The following ATG4C variants were observed in gnomAD, a reference collection of about 807,000 sequenced individuals.
The protein encoded by ATG4C is autophagy related 4C cysteine peptidase, also known as cysteine protease ATG4C.
ATG4C carries 56 observed loss-of-function variants against 57.6 expected under a neutral mutation model. The observed-to-expected ratio is 0.97, with a 90% CI of 0.78 to 1.21. ATG4C has a LOEUF of 1.21. Ranked by LOEUF, ATG4C falls within the 50% of genes most tolerant of loss-of-function variation. The probability of loss-of-function intolerance (pLI) is 0.00; values close to 1 mark genes in which losing one functional copy is unlikely to be tolerated. For synonymous variants in ATG4C, 157 were observed against 174.1 expected, an observed-to-expected ratio of 0.90 and a Z score of 0.78; for missense variants, 595 against 529.8, an observed-to-expected ratio of 1.12 and a Z score of -1.21.
intron 7 of ATG4C, among the ~76,000 whole-genome samples, chr1:62,830,122 A>G (rs1665793509): frequency 1.3e-5 from 2 of 152,126 alleles, no homozygotes; most frequent in Non-Finnish European, 2.9e-5. Flanking sequence ...GAAGTTTTTT[A>G]GCTGGTATAC....
intron 7 of ATG4C, 79 bp from the exon 8 acceptor site, chr1:62,833,959 T>G: frequency 8.2e-7 from 1 of 1,213,060 alleles, no homozygotes; most frequent in South Asian, 1.4e-5. Context: ...GAGCTACTAA[T>G]ATTAGTAATA....
At chr1:62,788,582 A>T (rs1664164733) in intron 1 of ATG4C, among the ~76,000 whole-genome samples, 2 of 152,214 alleles carry the variant, frequency 1.3e-5, no homozygotes, top group Non-Finnish European at 2.9e-5. Flanking sequence ...TGCCATTAGC[A>T]TATCCAAATA....
chr1:62,863,136 T>C (rs1177821958), intron 10 of ATG4C, among the ~76,000 whole-genome samples: 1 of 152,038 alleles, frequency 6.6e-6, no homozygotes, highest in African/African-American at 2.4e-5. Flanking sequence ...GTTTATATTA[T>C]ACTTGTGAAT....
At chr1:62,831,560 T>C (rs966140530) in intron 7 of ATG4C, among the ~76,000 whole-genome samples, 10 of 152,310 alleles carry the variant, frequency 6.6e-5, no homozygotes, top group African/African-American at 2.4e-4. Flanking sequence ...TATGTATGTA[T>C]GTATTTTTAA....
intron 3 of ATG4C, among the ~76,000 whole-genome samples, chr1:62,815,148 A>G (rs1352826649): frequency 2.0e-5 from 3 of 151,876 alleles, no homozygotes; most frequent in East Asian, 1.9e-4. Flanking sequence ...GTTTAAATGT[A>G]TCATGTCATT....
intron 10 of ATG4C, among the ~76,000 whole-genome samples, chr1:62,856,758 T>A (rs750300918): frequency 2.0e-5 from 3 of 151,878 alleles, no homozygotes; most frequent in Non-Finnish European, 4.4e-5. Context: ...ACTGATGGAG[T>A]TTGGTACAAT....
intron 3 of ATG4C, among the ~76,000 whole-genome samples, chr1:62,812,889 A>C (rs1209290471): frequency 6.6e-6 from 1 of 152,178 alleles, no homozygotes; most frequent in African/African-American, 2.4e-5. Context: ...GAAGAGAATA[A>C]AATACTTAGG....
At chr1:62,849,343 TC>T (rs1277103955) in intron 10 of ATG4C, among the ~76,000 whole-genome samples, 1 of 152,178 alleles carries the variant, frequency 6.6e-6, no homozygotes, top group Non-Finnish European at 1.5e-5. Flanking sequence ...GATATAGAAT[TC>T]CATGTTAACA....
Position 62,816,662 on chromosome 1 carries a change from T to C in ATG4C, c.248T>C (p.Phe83Ser). The C allele has an allele frequency of 1.9e-6, 3 of 1,613,882 alleles. No homozygotes were observed. The highest frequency in any genetic ancestry group is 2.5e-6 in the Non-Finnish European group (3 of 1,179,842). Residue 83 changes from phenylalanine (F) to serine (S), a missense_variant, in exon 4 of 11, where the codon TTC (phenylalanine) becomes TCC (serine). Physicochemically the swap from Phe to Ser is radical, Grantham distance 155. Transcript: ENST00000317868. ...AATGTAGAAGAATTTCGTAAAGATT[T>C]CATTTCTAGAATATGGCTGACCTAC... The part of the protein sequence containing the change: ...AGNVEEFRKD[F>S]ISRIWLTYRE...
chr1:62,789,078 G>A (rs1183245610), intron 1 of ATG4C, among the ~76,000 whole-genome samples: 1 of 152,086 alleles, frequency 6.6e-6, no homozygotes, highest in South Asian at 2.1e-4. Context: ...TGGATATTCT[G>A]TTTTGCAGGT....
At chr1:62,816,113 G>A (rs1056022739) in intron 3 of ATG4C, among the ~76,000 whole-genome samples, 3 of 152,120 alleles carry the variant, frequency 2.0e-5, no homozygotes, top group African/African-American at 4.8e-5. Context: ...ATCTGAAAAC[G>A]TCTTTATTTT....
At position 62,805,154 on chromosome 1, in the gene ATG4C, T is replaced by C. The variant is rs79510735; in HGVS notation, c.77-18T>C. 1 of 617,162 alleles carries C rather than the reference T, an allele frequency of 1.6e-6. No homozygotes were observed. The highest frequency in any genetic ancestry group is 2.5e-6 in the Non-Finnish European group (1 of 400,620). The allele number at this position is 617,162 out of a possible 1,614,324, so 38.2% of individuals were successfully genotyped here. A position where few individuals can be genotyped will look rare whatever the true frequency, so the allele number is the denominator to read the frequency against. On this transcript the variant is annotated intron_variant, in intron 2 of 10. Transcript: ENST00000317868. ...TTAATTACAAAACGTTTTCTTTTCT[T>C]TTTTTTTTTTTTGCTAGGTTGGGTG... is the stretch of plus-strand genomic sequence containing the variant.
At chr1:62,859,181 G>A (rs987498074) in intron 10 of ATG4C, among the ~76,000 whole-genome samples, 1 of 152,140 alleles carries the variant, frequency 6.6e-6, no homozygotes, top group African/African-American at 2.4e-5. Flanking sequence ...TGCTGTTTGG[G>A]ACATTTAGGA....
At chr1:62,850,883 TA>T (rs1191526686) in intron 10 of ATG4C, among the ~76,000 whole-genome samples, 1 of 78,426 alleles carries the variant, frequency 1.3e-5, no homozygotes, top group South Asian at 3.6e-4. Context: ...TATATATATA[TA>T]TATATATATA....
At chr1:62,861,573 T>C (rs1228791523) in intron 10 of ATG4C, among the ~76,000 whole-genome samples, 1 of 125,052 alleles carries the variant, frequency 8.0e-6, no homozygotes, top group Non-Finnish European at 1.7e-5. Context: ...GCTTGGAAAA[T>C]AGAACACACA....
chr1:62,847,722 G>T (rs994580237), intron 10 of ATG4C, among the ~76,000 whole-genome samples: 2 of 152,132 alleles, frequency 1.3e-5, no homozygotes, highest in African/African-American at 4.8e-5. Context: ...GTAGAGTTTG[G>T]CGTGTTTGGG....
At chr1:62,852,145 A>G (rs909984225) in intron 10 of ATG4C, among the ~76,000 whole-genome samples, 3 of 152,186 alleles carry the variant, frequency 2.0e-5, no homozygotes, top group African/African-American at 4.8e-5. Flanking sequence ...GCCAGAGGCT[A>G]TTCTGGAGGC....
chr1:62,860,004 A>G (rs1160886556), intron 10 of ATG4C, among the ~76,000 whole-genome samples: 1 of 152,104 alleles, frequency 6.6e-6, no homozygotes, highest in African/African-American at 2.4e-5. Context: ...CTCTACAAAG[A>G]TATTTTCTTT....
intron 10 of ATG4C, among the ~76,000 whole-genome samples, chr1:62,856,081 G>A (rs941368063): frequency 1.3e-5 from 2 of 152,088 alleles, no homozygotes; most frequent in Non-Finnish European, 2.9e-5. Context: ...AAGATAATAG[G>A]GTTGTTTCCC....
Sources: gnomAD v4.1 joint callset for allele counts (sites outside exome capture counted in the v4.1 genomes callset) on GRCh38, gnomAD v4.1.1 for gene constraint, MANE v1.5 for transcripts, NCBI Gene and HGNC (gene_info 2026-07-23, HGNC 2026-07-21) for gene names.